Variants in PROM2 observed in about 807,000 individuals in gnomAD.
PROM2 encodes the protein prominin-2.
Under a neutral mutation model 110.2 loss-of-function variants are expected in PROM2, and 90 were observed. The ratio of observed to expected loss-of-function variants is 0.82; its 90% CI spans 0.69 to 0.97. The LOEUF is 0.97. Among genes scored for constraint, PROM2 ranks in the 50% least tolerant of loss-of-function variants. The pLI is 0.00. For missense variants in PROM2, 1,009 were observed against 1,074.8 expected (o/e 0.94, Z 0.86); for synonymous variants, 470 against 467.8 (o/e 1.00, Z -0.06).
chr2:95,278,317 G>T (rs530368331), intron 8 of PROM2: 16 of 538,494 alleles, frequency 3.0e-5, no homozygotes, highest in Non-Finnish European at 2.7e-5. Context: ...GTGAGTCAGC[G>T]CCCAGGACCC....
rs777222713 is a variant in PROM2 at position 95,276,257 on chromosome 2, C to G, written c.528C>G (p.Asn176Lys). 88 of 1,613,844 alleles carry G rather than the reference C, an allele frequency of 5.5e-5. No homozygotes were observed. The highest frequency in any genetic ancestry group is 7.1e-5 in the Non-Finnish European group (84 of 1,180,050). ...LIGVVCAFVT[N>K]QRTHEQMGPS... ...GTGTGGTCTGTGCCTTTGTCACCAACCAGCGCACGCATGAACAGATGGGCC... is the reference window on the plus strand; with the variant it reads ...GTGTGGTCTGTGCCTTTGTCACCAAGCAGCGCACGCATGAACAGATGGGCC... Residue 176 changes from asparagine to lysine, a missense_variant, in exon 4 of 24, where the codon AAC (asparagine) becomes AAG (lysine). Physicochemically the swap from Asn to Lys is moderately conservative, Grantham distance 94 (BLOSUM62 0). Coordinates refer to ENST00000317620, the MANE Select transcript of PROM2 (RefSeq NM_001165978.3). The surrounding 1 kb of genome is among the most constrained non-coding windows in gnomAD (Gnocchi z 4.6).
rs374762669 is a variant in PROM2 at position 95,276,624 on chromosome 2, C to A, written c.649C>A (p.Leu217Met). 1 of 1,613,546 alleles carries A rather than the reference C, an allele frequency of 6.2e-7. No homozygotes were observed. The highest frequency in any genetic ancestry group is 1.3e-5 in the African/African-American group (1 of 75,012). ...GCAGGCCGTGGCACAGCAATTCTCC[C>A]TGCCCCAGGAGCAAGTCTCAGAGGA... The part of the protein sequence containing the change: ...ELQAVAQQFS[L>M]PQEQVSEELD... The change falls in exon 5 of 24, where the codon CTG becomes ATG. Residue 217 changes from leucine to methionine, a missense_variant. Leu to Met is a conservative substitution (Grantham distance 15, BLOSUM62 2). Coordinates refer to ENST00000317620, the MANE Select transcript of PROM2 (RefSeq NM_001165978.3). This position sits in a 1 kb window ranked among gnomAD's most constrained non-coding sequence, Gnocchi z 4.6.
rs778997529 is a variant in PROM2, at chr2:95,287,175, G to A, written c.2137G>A (p.Gly713Arg). 1 of 1,614,006 alleles carries A rather than the reference G, an allele frequency of 6.2e-7. No individual in the cohort carries two copies. The highest frequency in any genetic ancestry group is 1.7e-5 in the Admixed American group (1 of 60,022). ...CCTAGCCAATGTCACCTACCTGAAA[G>A]GAGAGCTGCCTGCCTGGGCAGCCAG... ...DVLANVTYLK[G>R]ELPAWAARIL... Residue 713 changes from glycine to arginine, a missense_variant, in exon 19 of 24, where the codon GGA (glycine) becomes AGA (arginine). Transcript: ENST00000317620.
rs1677637306 is a variant in PROM2 at position 95,290,613 on chromosome 2, G to C, written c.*1400G>C. 1 of 152,212 alleles carries C rather than the reference G, an allele frequency of 6.6e-6. No individual in the cohort carries two copies. The highest frequency in any genetic ancestry group is 2.4e-5 in the African/African-American group (1 of 41,452). 9.4% of individuals were successfully genotyped at this position (152,212 alleles called of 1,614,324 possible). Reference sequence around the variant, plus strand: ...TCAAAGGGTTGTGAAAATCAAATGTGATAATTTGTGGAAAGCCCTTAGCAG... The same window carrying C: ...TCAAAGGGTTGTGAAAATCAAATGTCATAATTTGTGGAAAGCCCTTAGCAG... On this transcript the variant is annotated 3_prime_UTR_variant, in exon 24 of 24. Coordinates refer to ENST00000317620, the MANE Select transcript of PROM2 (RefSeq NM_001165978.3).
At position 95,290,872 on chromosome 2, in the gene PROM2, G is replaced by C. The variant is rs1677650259; in HGVS notation, c.*1659G>C. The C allele has an allele frequency of 2.0e-5, 3 of 153,252 alleles. No individual in the cohort carries two copies. The highest frequency in any genetic ancestry group is 2.0e-4 in the Admixed American group (3 of 15,332). The allele number at this position is 153,252 out of a possible 1,614,324, so 9.5% of individuals were successfully genotyped here. A position where few individuals can be genotyped will look rare whatever the true frequency, so the allele number is the denominator to read the frequency against. ...TTGTTTGTTTGTTTGTTTTGAGACA[G>C]GGTCTCGCTCTGTCACCCAGGCTGG... On this transcript the variant is annotated 3_prime_UTR_variant, in exon 24 of 24. Transcript: ENST00000317620.
In PROM2 at chr2:95,277,062, G is replaced by A. The variant is rs369931736; in HGVS notation, c.772+1G>A. On this transcript the variant is annotated splice_donor_variant, in intron 6 of 23. Transcript: ENST00000317620. LOFTEE classifies it high-confidence loss of function. ...GCGGCCGTGGGCAGTTTGGGCCAGG[G>A]TGAGCTGGAGCCGCATCCTGGATAG... 3 of 1,550,332 alleles carry A rather than the reference G, an allele frequency of 1.9e-6. No homozygotes were observed. The highest frequency in any genetic ancestry group is 2.7e-5 in the African/African-American group (2 of 73,058).
In PROM2 at chr2:95,277,014, G is replaced by T; in HGVS notation, c.725G>T (p.Arg242Met). 6.4e-7 allele frequency: 1 copy of T among 1,553,284 alleles called. No homozygotes were observed. The highest frequency in any genetic ancestry group is 8.7e-7 in the Non-Finnish European group (1 of 1,147,678). ...SIGSAIHTQL[R>M]SSVYPLLAAV... ...GGGAGCGCGATCCACACTCAGCTCA[G>T]GAGCTCCGTGTACCCCTTGCTGGCG... The change falls in exon 6 of 24, where the codon AGG becomes ATG. Residue 242 changes from arginine (R) to methionine (M), a missense_variant. Arg to Met is a moderately conservative substitution (Grantham distance 91). Transcript: ENST00000317620.
At chr2:95,284,591 C>G (rs1328319174) in intron 14 of PROM2, among the ~76,000 whole-genome samples, 1 of 152,192 alleles carries the variant, frequency 6.6e-6, no homozygotes, top group Admixed American at 6.5e-5. Context: ...CACCGGCAGC[C>G]GTTTCTGGGG....
In PROM2 at chr2:95,276,505, C is replaced by T; in HGVS notation, c.619-89C>T. On this transcript the variant is annotated intron_variant, in intron 4 of 23. Transcript: ENST00000317620. This position sits in a 1 kb window ranked among gnomAD's most constrained non-coding sequence, Gnocchi z 4.6. ...AGTCGACCACCCTCAGGGTGGATGC[C>T]ATAGGGGCAGGGAAGGGGCCAGGGA... 1 of 1,604,024 alleles carries T rather than the reference C, an allele frequency of 6.2e-7. No individual in the cohort carries two copies. The highest frequency in any genetic ancestry group is 8.5e-7 in the Non-Finnish European group (1 of 1,171,786).
chr2:95,281,884 C>G, intron 12 of PROM2, 41 bp from the exon 13 acceptor site: 1 of 1,480,094 alleles, frequency 6.8e-7, no homozygotes. Flanking sequence ...GGCCTTGCCC[C>G]CACCCCGCTC....
rs750880470 is a variant in PROM2, at chr2:95,282,196, C to T, written c.1698C>T (p.Tyr566=). 33 of 1,613,770 alleles carry T rather than the reference C, an allele frequency of 2.0e-5. No homozygotes were observed. The highest frequency in any genetic ancestry group is 4.5e-5 in the East Asian group (2 of 44,872). Residue 566 remains tyrosine (Y), a synonymous_variant, in exon 14 of 24, where the codon TAC becomes TAT. Coordinates refer to ENST00000317620, the MANE Select transcript of PROM2 (RefSeq NM_001165978.3). ...CAGTCCTGCAGCTCAACGACTCCTACGACCTGGAGGAGCACCTGGATATCA... is the reference window on the plus strand; with the variant it reads ...CAGTCCTGCAGCTCAACGACTCCTATGACCTGGAGGAGCACCTGGATATCA... The part of the protein sequence containing the change: ...LWTVLQLNDS[Y]DLEEHLDINQ...
At chr2:95,277,311 C>A in intron 6 of PROM2, 53 bp from the exon 7 acceptor site, 1 of 1,535,100 alleles carries the variant, frequency 6.5e-7, no homozygotes, top group Non-Finnish European at 8.8e-7. Context: ...TCCTGCAAGG[C>A]GTCTGGGGAT....
In PROM2 at chr2:95,276,903, C is replaced by A. The variant is rs1372790715; in HGVS notation, c.683-69C>A. ...CAGAGCCCGGTGGGGCCTGGGGAGG[C>A]AGGATGGGAATGGGGAGGGCCCCTC... is the stretch of plus-strand genomic sequence containing the variant. On this transcript the variant is annotated intron_variant, in intron 5 of 23. Transcript: ENST00000317620. The surrounding 1 kb of genome is among the most constrained non-coding windows in gnomAD (Gnocchi z 4.6). The A allele has an allele frequency of 2.0e-6, 3 of 1,486,180 alleles. No homozygotes were observed. The highest frequency in any genetic ancestry group is 2.8e-6 in the Non-Finnish European group (3 of 1,089,326). The allele number at this position is 1,486,180 out of a possible 1,614,324, so 92.1% of individuals were successfully genotyped here.
Position 95,274,613 on chromosome 2 carries a change from C to T in PROM2, c.28C>T (p.Pro10Ser), listed in dbSNP as rs780019579. 2 of 1,599,878 alleles carry T rather than the reference C, an allele frequency of 1.3e-6. No homozygotes were observed. The highest frequency in any genetic ancestry group is 1.7e-6 in the Non-Finnish European group (2 of 1,170,948). The change falls in exon 1 of 24, where the codon CCC becomes TCC. Residue 10 changes from proline to serine, a missense_variant. Coordinates refer to ENST00000317620, the MANE Select transcript of PROM2 (RefSeq NM_001165978.3). The part of the protein sequence containing the change: MKHTLALLA[P>S]LLGLGLGLAL... The stretch of plus-strand genomic sequence containing the variant: ...GAAGCACACACTGGCTCTGCTGGCT[C>T]CCCTGCTGGGCCTGGGCCTGGGGCT...
intron 6 of PROM2, 104 bp downstream of exon 6, chr2:95,277,165 A>C (rs576769257): frequency 8.4e-7 from 1 of 1,187,280 alleles, no homozygotes; most frequent in East Asian, 2.6e-5. Flanking sequence ...CCTCTGCCCC[A>C]CCTGTGACTT....
At chr2:95,289,070 G>A (rs1677552247) in intron 23 of PROM2, 64 bp downstream of exon 23, 2 of 1,337,520 alleles carry the variant, frequency 1.5e-6, no homozygotes, top group Non-Finnish European at 2.1e-6. Context: ...GGTGGGGAGG[G>A]GCTGGGGTCT....
At chr2:95,278,025 C>T in intron 8 of PROM2, 21 bp downstream of exon 8, 1 of 1,597,324 alleles carries the variant, frequency 6.3e-7, no homozygotes, top group Middle Eastern at 1.7e-4. Context: ...CCTGGTCTGC[C>T]TGATTTCTCC....
chr2:95,287,445 T>A lies in PROM2; in HGVS notation c.2225T>A (p.Val742Glu). 1 of 1,613,972 alleles carries A rather than the reference T, an allele frequency of 6.2e-7. No individual in the cohort carries two copies. ...AREMGYFSQY[V>E]AWVREEVTQR... ...GAGATGGGCTACTTCTCCCAGTACG[T>A]GGCCTGGGTGAGAGAGGAGGTGAGT... The change falls in exon 20 of 24, where the codon GTG (valine) becomes GAG (glutamate). Residue 742 changes from valine (V) to glutamate (E), a missense_variant. Val to Glu is a moderately radical substitution (Grantham distance 121, BLOSUM62 -2). Coordinates refer to ENST00000317620, the MANE Select transcript of PROM2 (RefSeq NM_001165978.3).
intron 8 of PROM2, 184 bp from the exon 9 acceptor site, chr2:95,278,537 C>G: frequency 1.5e-6 from 1 of 679,680 alleles, no homozygotes; most frequent in South Asian, 1.7e-5. Flanking sequence ...CCGGGAGGAG[C>G]AACGTTTTGG....
Sources: allele counts gnomAD v4.1 joint callset (sites outside exome capture counted in the v4.1 genomes callset), GRCh38; gene constraint gnomAD v4.1.1; non-coding constraint Gnocchi (gnomAD v3.1); transcripts MANE v1.5; gene names NCBI Gene and HGNC (gene_info 2026-07-23, HGNC 2026-07-21).